Variants in CDK15 observed in about 807,000 individuals in gnomAD.
The protein encoded by CDK15 is cyclin-dependent kinase 15.
CDK15 carries 62 observed loss-of-function variants against 60.3 expected under a neutral mutation model. The ratio of observed to expected loss-of-function variants is 1.03; its 90% confidence interval spans 0.84 to 1.27. The LOEUF (loss-of-function observed/expected upper bound fraction) is 1.27. Ranked by LOEUF, CDK15 falls within the 50% of genes most tolerant of loss-of-function variation. The pLI is 0.00. For missense variants in CDK15, 541 were observed against 527.8 expected (o/e 1.03, Z -0.25); for synonymous variants, 194 against 195.7 (o/e 0.99, Z 0.07).
intron 9 of CDK15, among the ~76,000 whole-genome samples, chr2:201,852,746 A>C (rs966492779): frequency 1.3e-5 from 2 of 152,228 alleles, no homozygotes; most frequent in African/African-American, 2.4e-5. Flanking sequence ...GAGATTTAGT[A>C]ATTTTCTCAA....
At chr2:201,830,895 C>T (rs1307461235) in intron 6 of CDK15, among the ~76,000 whole-genome samples, 1 of 152,120 alleles carries the variant, frequency 6.6e-6, no homozygotes, top group Non-Finnish European at 1.5e-5. Context: ...AAACTAACAT[C>T]CACTTGAGAA....
intron 9 of CDK15, among the ~76,000 whole-genome samples, chr2:201,853,699 A>G (rs952477087): frequency 1.3e-5 from 2 of 149,648 alleles, no homozygotes; most frequent in African/African-American, 5.0e-5. Context: ...TCTCCCATAT[A>G]TAACTGTCTA....
At position 201,822,851 on chromosome 2, in the gene CDK15, T is replaced by A. The variant is rs144339303; in HGVS notation, c.491T>A (p.Leu164Gln). The A allele has an allele frequency of 1.9e-6, 3 of 1,613,486 alleles. No homozygotes were observed. Among genetic ancestry groups the A allele is most frequent in the Non-Finnish European group, 2.5e-6 (3 of 1,179,448 alleles). Residue 164 changes from leucine (L) to glutamine (Q), a missense_variant, in exon 5 of 14, where the codon CTG (leucine) becomes CAG (glutamine). Physicochemically the swap from Leu to Gln is moderately radical, Grantham distance 113 (BLOSUM62 -2). Coordinates refer to ENST00000652192, the MANE Select transcript of CDK15 (RefSeq NM_001366386.2). ...TTGAAACATGCCAATATTGTGCTCC[T>A]GCATGACATAATCCACACCAAAGAG... Reference protein sequence around the residue: ...KGLKHANIVLLHDIIHTKETL... With the variant: ...KGLKHANIVLQHDIIHTKETL...
At chr2:201,818,382 TA>T (rs562645998) in intron 4 of CDK15, among the ~76,000 whole-genome samples, 172 of 152,278 alleles carry the variant, frequency 1.1e-3, no homozygotes, top group African/African-American at 3.9e-3. Flanking sequence ...ACATTAATAA[TA>T]AAAAAACAGT....
intron 12 of CDK15, chr2:201,888,680 C>T: frequency 7.5e-7 from 1 of 1,334,948 alleles, no homozygotes; most frequent in Non-Finnish European, 9.5e-7. Flanking sequence ...TTTTGATTAA[C>T]CGGTTGCCTT....
intron 12 of CDK15, among the ~76,000 whole-genome samples, chr2:201,887,472 G>A (rs1054244671): frequency 2.0e-5 from 3 of 152,172 alleles, no homozygotes; most frequent in Admixed American, 1.3e-4. Context: ...TCTGAGCTGT[G>A]GATTGAGAGT....
At chr2:201,825,312 CAA>C (rs200857853) in intron 6 of CDK15, among the ~76,000 whole-genome samples, 27,757 of 86,504 alleles carry the variant, frequency 0.32, 2,463 homozygotes, top group East Asian at 0.49. Context: ...GACTCCAACT[CAA>C]AAAAAAAAAA....
chr2:201,866,010 ATGTGTGTGTGTG>A (rs72270010), intron 10 of CDK15, among the ~76,000 whole-genome samples: 10 of 139,740 alleles, frequency 7.2e-5, no homozygotes, highest in South Asian at 2.4e-4. Context: ...ACATGAGTGA[ATGTGTGTGTGTG>A]TGTGTGTGTG....
intron 6 of CDK15, chr2:201,824,697 A>C (rs1559119495): frequency 2.4e-6 from 1 of 408,174 alleles, no homozygotes; most frequent in Non-Finnish European, 4.2e-6. Context: ...TGGTGAACCC[A>C]AGAGCCATAT....
At chr2:201,835,014 T>C (rs1037823690) in intron 7 of CDK15, among the ~76,000 whole-genome samples, 12 of 152,136 alleles carry the variant, frequency 7.9e-5, no homozygotes, top group Non-Finnish European at 1.3e-4. Flanking sequence ...ACTAATTAAT[T>C]TGGATGAGCA....
At chr2:201,859,108 GGA>G (rs1698272887) in intron 10 of CDK15, among the ~76,000 whole-genome samples, 1 of 152,126 alleles carries the variant, frequency 6.6e-6, no homozygotes, top group African/African-American at 2.4e-5. Context: ...GTGGGGGAGG[GGA>G]GAGAGTTTGG....
rs986400483 is a variant in CDK15 at position 201,882,559 on chromosome 2, G to A, written c.1198+2392G>A. Among the ~76,000 whole-genome samples, 2 of 151,976 alleles carry A rather than the reference G, an allele frequency of 1.3e-5. No individual in the cohort carries two copies. Among genetic ancestry groups the A allele is most frequent in the African/African-American group, 2.4e-5 (1 of 41,370 alleles). On this transcript the variant is annotated intron_variant, in intron 12 of 13. Coordinates refer to ENST00000652192, the MANE Select transcript of CDK15 (RefSeq NM_001366386.2). This position sits in a 1 kb window ranked among gnomAD's most constrained non-coding sequence, Gnocchi z 4.0. ...TCGGCGGACAAGCATTTCCTGCAGC[G>A]ACATCTCGAATCCCCGAGGGAGAAG...
intron 11 of CDK15, chr2:201,876,618 CTG>C: frequency 1.6e-6 from 2 of 1,269,174 alleles, no homozygotes; most frequent in Non-Finnish European, 2.1e-6. Flanking sequence ...AGTTCAGAGG[CTG>C]TGAGACTGGA....
In CDK15 at chr2:201,894,969, C is replaced by CT. The variant is rs1217973436; in HGVS notation, c.*1706dup. On this transcript the variant is annotated 3_prime_UTR_variant, in exon 14 of 14. Coordinates refer to ENST00000652192, the MANE Select transcript of CDK15 (RefSeq NM_001366386.2). ...GGCTATGACTTAGTGGAAATTGGCACTTTTAAGTACAATATGAATTAATAG... is the reference window on the plus strand; with the variant it reads ...GGCTATGACTTAGTGGAAATTGGCACTTTTTAAGTACAATATGAATTAATAG... 6.6e-6 allele frequency: 1 copy of CT among 152,198 alleles called. No individual in the cohort carries two copies. Among genetic ancestry groups the CT allele is most frequent in the African/African-American group, 2.4e-5 (1 of 41,450 alleles). The allele number at this position is 152,198 out of a possible 1,614,324, so 9.4% of individuals were successfully genotyped here.
Position 201,861,563 on chromosome 2 carries a change from T to C in CDK15, c.1009+6626T>C, listed in dbSNP as rs1356349017. 2.0e-5 allele frequency: 19 copies of C among 950,986 alleles called. No individual in the cohort carries two copies. In the African/African-American group the frequency reaches 2.9e-4, roughly 15 times the overall value. 58.9% of individuals were successfully genotyped at this position (950,986 alleles called of 1,614,324 possible). ...TTTTTGTTGGTTTGTTTTTTTTTTT[T>C]TCTTTTTTTTTTTTTTTAGATGAAG... is the stretch of plus-strand genomic sequence containing the variant. On this transcript the variant is annotated intron_variant, in intron 10 of 13. Coordinates refer to ENST00000652192, the MANE Select transcript of CDK15 (RefSeq NM_001366386.2).
intron 11 of CDK15, among the ~76,000 whole-genome samples, chr2:201,875,477 A>C (rs1360166990): frequency 3.3e-5 from 5 of 152,214 alleles, no homozygotes; most frequent in African/African-American, 1.2e-4. Context: ...GGAAATATAC[A>C]CAAACCCACA....
At chr2:201,844,246 A>G (rs1193482062) in intron 8 of CDK15, among the ~76,000 whole-genome samples, 4 of 152,096 alleles carry the variant, frequency 2.6e-5, no homozygotes, top group Non-Finnish European at 5.9e-5. Context: ...ACACGTATTT[A>G]TTTTTACTCC....
In CDK15 at chr2:201,835,519, G is replaced by C. The variant is rs1574876021; in HGVS notation, c.731-124G>C. ...TAGACAAGAGTCAAGATAGTGATTA[G>C]TTCTACTAAAAGCACCTAAAGTTTG... On this transcript the variant is annotated intron_variant, in intron 7 of 13. Coordinates refer to ENST00000652192, the MANE Select transcript of CDK15 (RefSeq NM_001366386.2). 6.3e-6 allele frequency: 7 copies of C among 1,104,720 alleles called. No homozygotes were observed. In the East Asian group the frequency reaches 1.9e-4, roughly 31 times the overall value. 68.4% of individuals were successfully genotyped at this position (1,104,720 alleles called of 1,614,324 possible). A position where few individuals can be genotyped will look rare whatever the true frequency, so the allele number is the denominator to read the frequency against.
At chr2:201,848,581 C>A (rs1307193469) in intron 9 of CDK15, among the ~76,000 whole-genome samples, 1 of 152,032 alleles carries the variant, frequency 6.6e-6, no homozygotes, top group South Asian at 2.1e-4. Context: ...CCCCTAGTAA[C>A]CTCTAATCTA....
Sources: allele counts gnomAD v4.1 joint callset (sites outside exome capture counted in the v4.1 genomes callset), GRCh38; gene constraint gnomAD v4.1.1; non-coding constraint Gnocchi (gnomAD v3.1); transcripts MANE v1.5; gene names NCBI Gene and HGNC (gene_info 2026-07-23, HGNC 2026-07-21).